The following KCNJ16 variants were observed in gnomAD, a reference collection of about 807,000 sequenced individuals.
The protein encoded by KCNJ16 is inward rectifier potassium channel 16.
In KCNJ16, 15 loss-of-function variants were observed where a neutral mutation model predicts 18.5. That is an observed-to-expected ratio of 0.81 (90% CI 0.54 to 1.25). KCNJ16 has a LOEUF of 1.25. KCNJ16 is among the 50% of genes most tolerant of loss of function. The pLI is 0.00. For missense variants in KCNJ16, 523 were observed against 525.7 expected (o/e 0.99, Z 0.05); for synonymous variants, 174 against 186.5 (o/e 0.93, Z 0.55).
chr17:70,129,903 TTTA>T (rs2073998410), intron 2 of KCNJ16, among the ~76,000 whole-genome samples: 1 of 15,418 alleles, frequency 6.5e-5, no homozygotes, highest in Non-Finnish European at 1.2e-4. Flanking sequence ...AAACCTTTCA[TTTA>T]TTTATTTATT....
intron 2 of KCNJ16, among the ~76,000 whole-genome samples, chr17:70,118,398 T>G (rs546641500): frequency 1.3e-5 from 2 of 152,106 alleles, no homozygotes; most frequent in East Asian, 3.9e-4. Flanking sequence ...TCCAAGAACT[T>G]AATGTATCAT....
intron 1 of KCNJ16, among the ~76,000 whole-genome samples, chr17:70,085,329 C>T (rs561984533): frequency 1.2e-4 from 18 of 152,276 alleles, no homozygotes; most frequent in African/African-American, 4.3e-4. Context: ...AATATTGATT[C>T]GGTCTTCATA....
chr17:70,134,359 T>G lies in KCNJ16; in HGVS notation c.*1015T>G, dbSNP rs2074162235. 6.0e-6 allele frequency: 1 copy of G among 167,070 alleles called. No homozygotes were observed. The highest frequency in any genetic ancestry group is 1.5e-5 in the Non-Finnish European group (1 of 68,116). The allele number at this position is 167,070 out of a possible 1,614,324, so 10.3% of individuals were successfully genotyped here. ...GTGCCCAGAAGCAGTTATGTATGCTTCTTGTCTTGGTTACTGTACAAGATA... is the reference window on the plus strand; with the variant it reads ...GTGCCCAGAAGCAGTTATGTATGCTGCTTGTCTTGGTTACTGTACAAGATA... On this transcript the variant is annotated 3_prime_UTR_variant, in exon 4 of 4. Coordinates refer to ENST00000392671, the MANE Select transcript of KCNJ16 (RefSeq NM_170741.4).
In KCNJ16 at chr17:70,133,680, A is replaced by T. The variant is rs1026022186; in HGVS notation, c.*336A>T. ...CAGGAAGGAGGCTGGAATAAATAAA[A>T]ATAAAAATAGACAAGTAAGACAGCA... On this transcript the variant is annotated 3_prime_UTR_variant, in exon 4 of 4. Coordinates refer to ENST00000392671, the MANE Select transcript of KCNJ16 (RefSeq NM_170741.4). The T allele has an allele frequency of 4.8e-6, 1 of 208,444 alleles. No individual in the cohort carries two copies. Among genetic ancestry groups the T allele is most frequent in the Non-Finnish European group, 1.1e-5 (1 of 94,088 alleles). The allele number at this position is 208,444 out of a possible 1,614,324, so 12.9% of individuals were successfully genotyped here.
At chr17:70,077,669 G>T (rs892516508) in intron 1 of KCNJ16, among the ~76,000 whole-genome samples, 1 of 41,790 alleles carries the variant, frequency 2.4e-5, no homozygotes, top group South Asian at 4.8e-4. Context: ...TCCTGGTTAG[G>T]CTGTGTTTTT....
intron 2 of KCNJ16, among the ~76,000 whole-genome samples, chr17:70,106,992 C>T (rs1314914511): frequency 1.3e-5 from 2 of 152,136 alleles, no homozygotes; most frequent in African/African-American, 4.8e-5. Flanking sequence ...ATGGTTTCTT[C>T]TACCATTGTT....
intron 1 of KCNJ16, among the ~76,000 whole-genome samples, chr17:70,092,365 A>C (rs963743799): frequency 6.6e-6 from 1 of 152,138 alleles, no homozygotes; most frequent in Non-Finnish European, 1.5e-5. Context: ...ACCTAAGAAT[A>C]GCATTTCTGA....
In KCNJ16 at chr17:70,132,048, A is replaced by T. The variant is rs375641047; in HGVS notation, c.-40A>T. ...TAGCAACAAGTCTAGAATTCTTACT[A>T]CTACAAAACTCACCTGGATCCCTAA... On this transcript the variant is annotated 5_prime_UTR_variant, in exon 4 of 4. Transcript: ENST00000392671. The T allele has an allele frequency of 6.2e-7, 1 of 1,612,914 alleles. No homozygotes were observed. Among genetic ancestry groups the T allele is most frequent in the African/African-American group, 1.3e-5 (1 of 74,934 alleles).
chr17:70,097,202 C>T lies in KCNJ16; in HGVS notation c.-299-3456C>T, dbSNP rs74994825. ...GGAGGTTTGTTCGTTCACTGCATTA[C>T]GGGGATCCACACAAAGGACATGTCA... is the stretch of plus-strand genomic sequence containing the variant. On this transcript the variant is annotated intron_variant, in intron 1 of 3. Coordinates refer to ENST00000392671, the MANE Select transcript of KCNJ16 (RefSeq NM_170741.4). 6.7e-3 allele frequency among the ~76,000 whole-genome samples: 1,020 copies of T among 152,222 alleles called. 7 individuals are homozygous for T. The highest frequency in any genetic ancestry group is 0.022 in the African/African-American group (925 of 41,540).
chr17:70,123,493 A>G (rs1407171957), intron 2 of KCNJ16, among the ~76,000 whole-genome samples: 1 of 152,212 alleles, frequency 6.6e-6, no homozygotes, highest in East Asian at 1.9e-4. Flanking sequence ...AAGGCCCTGT[A>G]TGATAAGCTA....
intron 1 of KCNJ16, among the ~76,000 whole-genome samples, chr17:70,084,463 G>A (rs1746847071): frequency 6.6e-6 from 1 of 152,184 alleles, no homozygotes; most frequent in African/African-American, 2.4e-5. Context: ...AACGAGCTTT[G>A]GAAGTGTTAA....
At chr17:70,078,217 CCCA>C (rs1391979213) in intron 1 of KCNJ16, among the ~76,000 whole-genome samples, 3 of 152,142 alleles carry the variant, frequency 2.0e-5, no homozygotes, top group Non-Finnish European at 2.9e-5. Flanking sequence ...TGCAACTTTT[CCCA>C]GTTGCCATGG....
intron 1 of KCNJ16, among the ~76,000 whole-genome samples, chr17:70,082,122 G>C (rs1234093629): frequency 6.6e-6 from 1 of 152,168 alleles, no homozygotes; most frequent in Non-Finnish European, 1.5e-5. Context: ...TCAAAGTCTA[G>C]CAAAGGAGGA....
intron 2 of KCNJ16, among the ~76,000 whole-genome samples, chr17:70,129,648 C>T (rs930905443): frequency 6.6e-6 from 1 of 152,194 alleles, no homozygotes; most frequent in Non-Finnish European, 1.5e-5. Flanking sequence ...AGTTAATGAT[C>T]ACAATAATGA....
At chr17:70,128,692 T>C (rs2073945174) in intron 2 of KCNJ16, 1 of 152,220 alleles carries the variant, frequency 6.6e-6, no homozygotes, top group African/African-American at 2.4e-5. Context: ...TTTGTAATGA[T>C]AGTTGATAGT....
chr17:70,097,117 T>A (rs1195366829), intron 1 of KCNJ16, among the ~76,000 whole-genome samples: 1 of 152,194 alleles, frequency 6.6e-6, no homozygotes, highest in Non-Finnish European at 1.5e-5. Context: ...TGCACTTTTG[T>A]TAATGTGATC....
At position 70,132,522 on chromosome 17, in the gene KCNJ16, G is replaced by A; in HGVS notation, c.435G>A (p.Val145=). 6.2e-7 allele frequency: 1 copy of A among 1,614,126 alleles called. No individual in the cohort carries two copies. Residue 145 remains valine (V), a synonymous_variant, in exon 4 of 4, where the codon GTG becomes GTA. Transcript: ENST00000392671. ...GCTGTGTTACTGAAGAATGTTCTGT[G>A]GCCGTGCTCATGGTGATCCTCCAGT... The part of the protein sequence containing the change: ...GYRCVTEECS[V]AVLMVILQSI...
rs772320156 is a variant in KCNJ16, at chr17:70,132,531, C to T, written c.444C>T (p.Leu148=). The change falls in exon 4 of 4, where the codon CTC becomes CTT. Residue 148 remains leucine (L), a synonymous_variant. Transcript: ENST00000392671. ...CVTEECSVAV[L]MVILQSILSC... ...CTGAAGAATGTTCTGTGGCCGTGCT[C>T]ATGGTGATCCTCCAGTCCATCTTAA... The T allele has an allele frequency of 1.2e-6, 2 of 1,614,210 alleles. No homozygotes were observed. The highest frequency in any genetic ancestry group is 1.7e-6 in the Non-Finnish European group (2 of 1,180,040).
intron 1 of KCNJ16, among the ~76,000 whole-genome samples, chr17:70,088,237 G>A (rs1012470662): frequency 2.6e-5 from 4 of 152,034 alleles, no homozygotes; most frequent in African/African-American, 4.8e-5. Flanking sequence ...GGAGAGAGGG[G>A]ATATGAAACT....
Sources: allele counts gnomAD v4.1 joint callset (sites outside exome capture counted in the v4.1 genomes callset), GRCh38; gene constraint gnomAD v4.1.1; transcripts MANE v1.5; gene names NCBI Gene and HGNC (gene_info 2026-07-23, HGNC 2026-07-21).